The following PCSK5 variants were observed in gnomAD, a reference collection of about 807,000 sequenced individuals.
PCSK5 encodes proprotein convertase subtilisin/kexin type 5.
PCSK5 carries 129 observed loss-of-function variants against 233.2 expected under a neutral mutation model. The observed-to-expected ratio is 0.55, with a 90% CI of 0.48 to 0.64. The LOEUF (loss-of-function observed/expected upper bound fraction) is 0.64, where lower values mean the gene tolerates loss of function less well. PCSK5 is among the 30% of genes least tolerant of loss of function. The pLI is 0.00. For synonymous variants in PCSK5, 825 were observed against 879.2 expected, an observed-to-expected ratio of 0.94 and a Z score of 1.09; for missense variants, 2,076 against 2,430.1, an observed-to-expected ratio of 0.85 and a Z score of 3.06.
intron 24 of PCSK5, among the ~76,000 whole-genome samples, chr9:76,289,422 C>A (rs1254483387): frequency 1.3e-5 from 2 of 148,168 alleles, no homozygotes; most frequent in South Asian, 2.2e-4. Context: ...CCTTCCAAGA[C>A]AGCTAACAAT....
chr9:76,345,437 G>C (rs1388427238), intron 35 of PCSK5, among the ~76,000 whole-genome samples: 2 of 151,988 alleles, frequency 1.3e-5, no homozygotes, highest in Non-Finnish European at 2.9e-5. Flanking sequence ...TTTGTTTTTT[G>C]AGACGGAGTC....
chr9:76,155,339 C>T (rs1330466960), intron 10 of PCSK5, among the ~76,000 whole-genome samples: 5 of 152,090 alleles, frequency 3.3e-5, no homozygotes, highest in African/African-American at 1.2e-4. Flanking sequence ...ATTAGCAAAT[C>T]GCATAATTAA....
intron 20 of PCSK5, among the ~76,000 whole-genome samples, chr9:76,209,975 G>A (rs909484275): frequency 6.6e-5 from 10 of 152,146 alleles, no homozygotes; most frequent in Non-Finnish European, 5.9e-5. Context: ...AGAAAGAAAG[G>A]AGTGGGCACA....
intron 24 of PCSK5, among the ~76,000 whole-genome samples, chr9:76,265,170 C>G (rs532441407): frequency 3.3e-5 from 5 of 152,018 alleles, no homozygotes. Flanking sequence ...AAACCAAATA[C>G]TGCCTGTTCT....
chr9:76,064,680 C>T (rs984984261), intron 5 of PCSK5, among the ~76,000 whole-genome samples: 5 of 149,082 alleles, frequency 3.4e-5, no homozygotes, highest in African/African-American at 1.2e-4. Context: ...CAGAGGGTCT[C>T]CTCACTTCTC....
At chr9:75,945,841 G>A (rs1274908261) in intron 2 of PCSK5, among the ~76,000 whole-genome samples, 6 of 152,242 alleles carry the variant, frequency 3.9e-5, no homozygotes, top group Admixed American at 3.9e-4. Context: ...TGCCTTCTCA[G>A]CCTTCATATC....
chr9:75,892,665 A>T (rs922059781), intron 1 of PCSK5, among the ~76,000 whole-genome samples: 1 of 151,572 alleles, frequency 6.6e-6, no homozygotes, highest in Non-Finnish European at 1.5e-5. Context: ...ACCCGGGGAC[A>T]CCCCCCGCCC....
At position 76,189,681 on chromosome 9, in the gene PCSK5, C is replaced by T; in HGVS notation, c.2561C>T (p.Thr854Ile). Residue 854 changes from threonine to isoleucine, a missense_variant, in exon 20 of 38, where the codon ACA becomes ATA. By Grantham distance (89) the Thr-to-Ile change is moderately conservative (BLOSUM62 -1). Transcript: ENST00000674117. The part of the protein sequence containing the change: ...TCNGPGFKNC[T>I]SCPSGYLLDL... ...AATGGCCCAGGATTCAAGAACTGTA[C>T]AAGCTGCCCTAGTGGGTATCTCTTA... The T allele has an allele frequency of 6.2e-7, 1 of 1,613,290 alleles. No individual in the cohort carries two copies. Among genetic ancestry groups the T allele is most frequent in the Non-Finnish European group, 8.5e-7 (1 of 1,179,304 alleles).
chr9:76,022,909 A>C (rs992062623), intron 3 of PCSK5, among the ~76,000 whole-genome samples: 1 of 152,148 alleles, frequency 6.6e-6, no homozygotes, highest in Non-Finnish European at 1.5e-5. Flanking sequence ...GCCATTGTTA[A>C]TTTAGTGAAA....
At chr9:76,095,179 C>G (rs1831456867) in intron 7 of PCSK5, among the ~76,000 whole-genome samples, 1 of 152,152 alleles carries the variant, frequency 6.6e-6, no homozygotes, top group South Asian at 2.1e-4. Flanking sequence ...TTTATGGTAG[C>G]ATCCATTAAC....
Position 76,137,203 on chromosome 9 carries a change from A to G in PCSK5, c.1312+2991A>G, listed in dbSNP as rs115812786. Among the ~76,000 whole-genome samples, 1,418 of 152,202 alleles carry G rather than the reference A, an allele frequency of 9.3e-3. 19 individuals are homozygous for G. The highest frequency in any genetic ancestry group is 0.032 in the African/African-American group (1,321 of 41,550). ...CAGGCCAGGAAGTTGGCCTTGAACA[A>G]CTAAAGAATGTGGCTTTCTGATGAC... On this transcript the variant is annotated intron_variant, in intron 10 of 37. Coordinates refer to ENST00000674117, the MANE Select transcript of PCSK5 (RefSeq NM_001372043.1).
chr9:76,215,775 AC>A (rs1159386690), intron 20 of PCSK5, among the ~76,000 whole-genome samples: 2 of 152,150 alleles, frequency 1.3e-5, no homozygotes, highest in African/African-American at 4.8e-5. Flanking sequence ...CCCAGTCTCT[AC>A]CAAAAATACA....
chr9:76,026,277 T>A (rs947651555), intron 4 of PCSK5, among the ~76,000 whole-genome samples: 1 of 152,234 alleles, frequency 6.6e-6, no homozygotes, highest in Non-Finnish European at 1.5e-5. Context: ...AGATACTGTT[T>A]CCTCATTTTG....
chr9:75,966,609 C>G (rs111593817), intron 2 of PCSK5, among the ~76,000 whole-genome samples: 24 of 152,234 alleles, frequency 1.6e-4, no homozygotes, highest in African/African-American at 5.5e-4. Context: ...GGTGAACCTA[C>G]CCATGTTTTC....
chr9:76,130,873 C>T (rs1239120150), intron 9 of PCSK5, among the ~76,000 whole-genome samples: 1 of 152,006 alleles, frequency 6.6e-6, no homozygotes, highest in African/African-American at 2.4e-5. Flanking sequence ...TCACGAGACT[C>T]AGGATTGGGA....
At chr9:76,059,322 T>G (rs1047315322) in intron 5 of PCSK5, among the ~76,000 whole-genome samples, 1 of 152,242 alleles carries the variant, frequency 6.6e-6, no homozygotes, top group African/African-American at 2.4e-5. Context: ...CTGTTCACTC[T>G]GATGGTAGTT....
intron 20 of PCSK5, among the ~76,000 whole-genome samples, chr9:76,203,856 A>T (rs573749338): frequency 2.0e-5 from 3 of 152,270 alleles, no homozygotes; most frequent in South Asian, 4.2e-4. Context: ...AGTTACTATC[A>T]CAGAATCTGA....
Position 76,026,942 on chromosome 9 carries a change from C to T in PCSK5, c.556-19C>T. On this transcript the variant is annotated intron_variant, in intron 4 of 37. Coordinates refer to ENST00000674117, the MANE Select transcript of PCSK5 (RefSeq NM_001372043.1). ...GAATGTCCATTTCCTTTCCCTTGCT[C>T]TCTCCTCTGTGGCCATAGGATGCTC... The T allele has an allele frequency of 1.3e-6, 2 of 1,580,522 alleles. No individual in the cohort carries two copies. Among genetic ancestry groups the T allele is most frequent in the African/African-American group, 2.7e-5 (2 of 74,186 alleles).
chr9:75,922,460 T>C (rs1564083616), intron 1 of PCSK5, among the ~76,000 whole-genome samples: 1 of 152,098 alleles, frequency 6.6e-6, no homozygotes, highest in Non-Finnish European at 1.5e-5. Context: ...CTGCAAAAGC[T>C]TGTTACATGA....
Sources: allele counts gnomAD v4.1 joint callset (sites outside exome capture counted in the v4.1 genomes callset), GRCh38; gene constraint gnomAD v4.1.1; transcripts MANE v1.5; gene names NCBI Gene and HGNC (gene_info 2026-07-23, HGNC 2026-07-21).